Variants in ZNF331 observed in about 807,000 individuals in gnomAD.
The protein encoded by ZNF331 is C2H2-like zinc finger protein rearranged in thyroid adenomas.
In ZNF331, 2 loss-of-function variants were observed where a neutral mutation model predicts 7.0. That is an observed-to-expected ratio of 0.29 (90% CI 0.12 to 0.90). The LOEUF is 0.90. ZNF331 is among the 40% of genes least tolerant of loss of function. The probability of loss-of-function intolerance (pLI) is 0.58; values close to 1 mark genes in which losing one functional copy is unlikely to be tolerated. For missense variants in ZNF331, 432 were observed against 587.7 expected (o/e 0.74, Z 2.74); for synonymous variants, 196 against 205.4 (o/e 0.95, Z 0.39).
chr19:53,514,502 T>C, the ZNF331 span, among the ~76,000 whole-genome samples: 1 of 151,996 alleles, frequency 6.6e-6, no homozygotes, highest in Non-Finnish European at 1.5e-5. Flanking sequence ...CGCCTAGCCC[T>C]AACTAATATA....
intron 2 of ZNF331, among the ~76,000 whole-genome samples, chr19:53,553,977 GA>G (rs2089187809): frequency 6.6e-6 from 1 of 152,172 alleles, no homozygotes; most frequent in South Asian, 2.1e-4. Flanking sequence ...CCCTGCCTGG[GA>G]CCGGCCCAGA....
chr19:53,533,351 A>T (rs2087615105), upstream of ZNF331, among the ~76,000 whole-genome samples: 1 of 152,152 alleles, frequency 6.6e-6, no homozygotes, highest in African/African-American at 2.4e-5. Flanking sequence ...GGTTGAAAAG[A>T]TGCTTGATAG....
intron 2 of ZNF331, among the ~76,000 whole-genome samples, chr19:53,531,914 TTTC>T (rs1309903766): frequency 1.3e-5 from 2 of 152,198 alleles, no homozygotes; most frequent in Admixed American, 6.5e-5. Flanking sequence ...GTTCTGTATT[TTTC>T]TTCTTTTTAT....
At chr19:53,570,681 C>T (rs910400251) in intron 4 of ZNF331, among the ~76,000 whole-genome samples, 2 of 151,254 alleles carry the variant, frequency 1.3e-5, no homozygotes, top group African/African-American at 2.4e-5. Context: ...TACAGGGATG[C>T]GCCGCCACAC....
chr19:53,505,375 C>T, the ZNF331 span, among the ~76,000 whole-genome samples: 3 of 152,248 alleles, frequency 2.0e-5, no homozygotes, highest in African/African-American at 4.8e-5. Flanking sequence ...GCAACCTCCC[C>T]GCCCTGGGCT....
rs750758618 is a variant in ZNF331, at chr19:53,578,159, G to A, written c.*207G>A. Reference sequence around the variant, plus strand: ...CGGCCGGGGATGTGAGTCATCCCTTGGTCCAGCACATCCACGCTGTATACG... The same window carrying A: ...CGGCCGGGGATGTGAGTCATCCCTTAGTCCAGCACATCCACGCTGTATACG... On this transcript the variant is annotated 3_prime_UTR_variant, in exon 6 of 6. Coordinates refer to ENST00000449416, the MANE Select transcript of ZNF331 (RefSeq NM_001079906.2). 10 of 625,534 alleles carry A rather than the reference G, an allele frequency of 1.6e-5. No individual in the cohort carries two copies. The highest frequency in any genetic ancestry group is 5.5e-5 in the African/African-American group (3 of 54,404). The allele number at this position is 625,534 out of a possible 1,614,324, so 38.7% of individuals were successfully genotyped here.
intron 3 of ZNF331, among the ~76,000 whole-genome samples, chr19:53,566,213 C>A (rs2090147290): frequency 1.3e-5 from 2 of 152,046 alleles, no homozygotes; most frequent in South Asian, 4.1e-4. Context: ...CCTGGCTCAT[C>A]CAGCATCACA....
upstream of ZNF331, among the ~76,000 whole-genome samples, chr19:53,517,118 A>T (rs1316723531): frequency 6.6e-6 from 1 of 152,282 alleles, no homozygotes; most frequent in Admixed American, 6.5e-5. Context: ...ATGCCATTTG[A>T]CAAATCCCCC....
intron 2 of ZNF331, among the ~76,000 whole-genome samples, chr19:53,544,404 G>GC (rs199587955): frequency 0.036 from 5,340 of 150,328 alleles, 166 homozygotes; most frequent in South Asian, 0.12. Context: ...AATTAGCCGG[G>GC]CGAGGTAGTG....
rs537547776 is a variant in ZNF331, at chr19:53,558,671, C to G, written c.-74+2763C>G. On this transcript the variant is annotated intron_variant, in intron 3 of 5. Transcript: ENST00000449416. The surrounding 1 kb of genome is among the most constrained non-coding windows in gnomAD (Gnocchi z 4.5). ...CTGCTTTGGGCAGGTGAAAGGAGGGCAAGAGAAGATGAGAGAGAGATTCTG... is the reference window on the plus strand; with the variant it reads ...CTGCTTTGGGCAGGTGAAAGGAGGGGAAGAGAAGATGAGAGAGAGATTCTG... Among the ~76,000 whole-genome samples, 5 of 151,950 alleles carry G rather than the reference C, an allele frequency of 3.3e-5. No homozygotes were observed. Among genetic ancestry groups the G allele is most frequent in the African/African-American group, 1.2e-4 (5 of 41,376 alleles).
chr19:53,540,328 C>T (rs1465307855), intron 2 of ZNF331, among the ~76,000 whole-genome samples: 1 of 152,194 alleles, frequency 6.6e-6, no homozygotes, highest in Non-Finnish European at 1.5e-5. Context: ...AGGTTGGAGA[C>T]TGTCACCATC....
rs768779311 is a variant in ZNF331 at position 53,578,917 on chromosome 19, C to T, written c.*965C>T. 5.5e-6 allele frequency: 1 copy of T among 180,788 alleles called. No individual in the cohort carries two copies. The highest frequency in any genetic ancestry group is 1.2e-5 in the Non-Finnish European group (1 of 84,704). 11.2% of individuals were successfully genotyped at this position (180,788 alleles called of 1,614,324 possible). On this transcript the variant is annotated 3_prime_UTR_variant, in exon 6 of 6. Transcript: ENST00000449416. ...CCAGGTTCCAGCAATTCTCCTGCCT[C>T]AGCCTCCCCAGTAGCTGGGATTACA...
rs139270438 is a variant in ZNF331, at chr19:53,577,742, T to C, written c.1182T>C (p.Tyr394=). The C allele has an allele frequency of 4.6e-5, 75 of 1,613,956 alleles. No individual in the cohort carries two copies. In the African/African-American group the frequency reaches 9.5e-4, roughly 20 times the overall value. The change falls in exon 6 of 6, where the codon TAT becomes TAC. Residue 394 remains tyrosine, a synonymous_variant. Transcript: ENST00000449416. ...KCKECGKAFI[Y]GSSLVKHERI... The stretch of plus-strand genomic sequence containing the variant: ...AGGAGTGTGGGAAGGCTTTCATTTA[T>C]GGATCGAGCCTCGTGAAACATGAGA...
At chr19:53,544,284 G>A (rs915862133) in intron 2 of ZNF331, among the ~76,000 whole-genome samples, 7 of 149,436 alleles carry the variant, frequency 4.7e-5, no homozygotes, top group African/African-American at 1.5e-4. Context: ...GGTGGCTCAT[G>A]CCTGTAATCC....
chr19:53,570,408 C>A (rs1231478437), intron 4 of ZNF331, among the ~76,000 whole-genome samples: 1 of 152,164 alleles, frequency 6.6e-6, no homozygotes, highest in Non-Finnish European at 1.5e-5. Context: ...AAGTGAATAA[C>A]TGTAATAAAC....
In ZNF331 at chr19:53,525,294, C is replaced by A. The variant is rs1190956581; in HGVS notation, c.-205+2610C>A. On this transcript the variant is annotated intron_variant, in intron 2 of 6. Transcript: ENST00000253144. ...AACTTTAAAGTAGTTTTTTCCAATT[C>A]TGTGAAGAAAGTCATTGGTAGCTTG... Among the ~76,000 whole-genome samples, 5 of 152,216 alleles carry A rather than the reference C, an allele frequency of 3.3e-5. No individual in the cohort carries two copies. The East Asian group carries it at 5.8e-4, about 18-fold the overall frequency.
chr19:53,518,486 T>C (rs1365175194), upstream of ZNF331, among the ~76,000 whole-genome samples: 1 of 152,168 alleles, frequency 6.6e-6, no homozygotes, highest in East Asian at 1.9e-4. Flanking sequence ...CCTATAGACA[T>C]ATATCCTATT....
intron 2 of ZNF331, among the ~76,000 whole-genome samples, chr19:53,544,293 C>T (rs904526027): frequency 6.6e-6 from 1 of 150,648 alleles, no homozygotes; most frequent in African/African-American, 2.4e-5. Flanking sequence ...TGCCTGTAAT[C>T]CCAGCACTTT....
At position 53,558,897 on chromosome 19, in the gene ZNF331, C is replaced by T. The variant is rs1486053407; in HGVS notation, c.-74+2989C>T. Among the ~76,000 whole-genome samples, 1 of 53,316 alleles carries T rather than the reference C, an allele frequency of 1.9e-5. No homozygotes were observed. Among genetic ancestry groups the T allele is most frequent in the Non-Finnish European group, 3.6e-5 (1 of 28,150 alleles). The allele number at this position is 53,316 out of a possible 152,430, so 35.0% of individuals were successfully genotyped here. On this transcript the variant is annotated intron_variant, in intron 3 of 5. Coordinates refer to ENST00000449416, the MANE Select transcript of ZNF331 (RefSeq NM_001079906.2). The surrounding 1 kb of genome is among the most constrained non-coding windows in gnomAD (Gnocchi z 4.5). Reference sequence around the variant, plus strand: ...TACCCCATATATACACACATATACACACCTATACACACCTACATATATACA... The same window carrying T: ...TACCCCATATATACACACATATACATACCTATACACACCTACATATATACA...
Sources: allele counts gnomAD v4.1 joint callset (sites outside exome capture counted in the v4.1 genomes callset), GRCh38; gene constraint gnomAD v4.1.1; non-coding constraint Gnocchi (gnomAD v3.1); transcripts MANE v1.5; gene names NCBI Gene and HGNC (gene_info 2026-07-23, HGNC 2026-07-21).